DNAH14: variants seen among roughly 807,000 people sequenced by gnomAD.
DNAH14 encodes the protein axonemal beta dynein heavy chain 14.
DNAH14 carries 478 observed loss-of-function variants against 520.9 expected under a neutral mutation model. The ratio of observed to expected loss-of-function variants is 0.92; its 90% CI spans 0.85 to 0.99. The LOEUF (loss-of-function observed/expected upper bound fraction) is 0.99, where lower values mean the gene tolerates loss of function less well. Among genes scored for constraint, DNAH14 ranks in the 50% least tolerant of loss-of-function variants. The pLI is 0.00. For synonymous variants in DNAH14, 1,581 were observed against 1,757.2 expected (o/e 0.90, Z 2.51); for missense variants, 4,831 against 5,234.5 (o/e 0.92, Z 2.38).
At chr1:225,389,710 A>T (rs762347325) in intron 82 of DNAH14, 24 bp from the exon 83 acceptor site, 2 of 1,551,486 alleles carry the variant, frequency 1.3e-6, no homozygotes, top group East Asian at 2.4e-5. Flanking sequence ...CTTAACCCCC[A>T]ACCTGTGGTC....
intron 4 of DNAH14, among the ~76,000 whole-genome samples, chr1:224,962,373 A>G (rs1472510544): frequency 6.6e-6 from 1 of 152,154 alleles, no homozygotes; most frequent in Non-Finnish European, 1.5e-5. Flanking sequence ...AATCAGATAT[A>G]CCCTTAAGAG....
intron 46 of DNAH14, among the ~76,000 whole-genome samples, chr1:225,262,532 T>C (rs2092969072): frequency 6.6e-6 from 1 of 152,008 alleles, no homozygotes; most frequent in African/African-American, 2.4e-5. Context: ...CAGTAAGAGA[T>C]AAGAATCCAG....
At chr1:225,225,323 CACTT>C (rs1289245219) in intron 41 of DNAH14, among the ~76,000 whole-genome samples, 2 of 152,168 alleles carry the variant, frequency 1.3e-5, no homozygotes, top group Non-Finnish European at 2.9e-5. Flanking sequence ...TACCAATTCT[CACTT>C]AATTAGTTAT....
chr1:225,159,411 C>T lies in DNAH14; in HGVS notation c.5371C>T (p.Pro1791Ser). The T allele has an allele frequency of 6.5e-7, 1 of 1,549,434 alleles. No individual in the cohort carries two copies. Among genetic ancestry groups the T allele is most frequent in the Admixed American group, 2.0e-5 (1 of 50,668 alleles). The change falls in exon 35 of 86, where the codon CCA becomes TCA. Residue 1791 changes from proline to serine, a missense_variant. By Grantham distance (74) the Pro-to-Ser change is moderately conservative. Transcript: ENST00000682510. ...GCCAAAATGTCCTCCTGAAGATGTC[C>T]CACTTTTTGAAAATATTATAGGAGA... ...SLPKCPPEDVPLFENIIGDIF... is the reference protein window; with the variant it reads ...SLPKCPPEDVSLFENIIGDIF...
chr1:225,019,589 A>G (rs1160107145), intron 10 of DNAH14, among the ~76,000 whole-genome samples: 1 of 152,154 alleles, frequency 6.6e-6, no homozygotes, highest in East Asian at 1.9e-4. Flanking sequence ...CACCTACAGA[A>G]CACTATGCCT....
Position 225,381,440 on chromosome 1 carries a change from G to A in DNAH14, c.12938G>A (p.Arg4313Gln), listed in dbSNP as rs557640063. 1.8e-4 allele frequency: 277 copies of A among 1,550,552 alleles called. No individual in the cohort carries two copies. Among genetic ancestry groups the A allele is most frequent in the Middle Eastern group, 1.7e-3 (10 of 5,984 alleles). ...ACCTTTTTGAAGCAAGAAATTAAAC[G>A]ATTTGATAAGTTATTATTTGTCATA... ...LLTFLKQEIK[R>Q]FDKLLFVIHK... is the part of the protein sequence containing the mutation. Residue 4313 changes from arginine (R) to glutamine (Q), a missense_variant, in exon 81 of 86, where the codon CGA becomes CAA. Arg to Gln is a conservative substitution (Grantham distance 43). Transcript: ENST00000682510.
intron 27 of DNAH14, among the ~76,000 whole-genome samples, chr1:225,124,993 G>A (rs899563975): frequency 3.9e-5 from 6 of 152,078 alleles, no homozygotes; most frequent in Non-Finnish European, 8.8e-5. Context: ...CAGAACTCTT[G>A]GGTGACTGGA....
intron 21 of DNAH14, among the ~76,000 whole-genome samples, chr1:225,090,236 GA>G: frequency 6.6e-6 from 1 of 152,080 alleles, no homozygotes; most frequent in African/African-American, 2.4e-5. Flanking sequence ...AAACCCTGCA[GA>G]GAGAAAGAAG....
intron 46 of DNAH14, among the ~76,000 whole-genome samples, chr1:225,263,859 A>T (rs1232132139): frequency 1.3e-5 from 2 of 152,120 alleles, no homozygotes; most frequent in Non-Finnish European, 2.9e-5. Context: ...AGACCAAAAT[A>T]AGATGAATGG....
At chr1:224,945,717 C>T (rs1402986549) in intron 1 of DNAH14, among the ~76,000 whole-genome samples, 27 of 152,268 alleles carry the variant, frequency 1.8e-4, no homozygotes, top group Non-Finnish European at 3.7e-4. Flanking sequence ...CAGTCAGGAC[C>T]CTCAGGTGCA....
intron 38 of DNAH14, among the ~76,000 whole-genome samples, chr1:225,195,579 G>A (rs2086022462): frequency 6.6e-6 from 1 of 151,608 alleles, no homozygotes; most frequent in Non-Finnish European, 1.5e-5. Flanking sequence ...GTAAAAATCT[G>A]TATACCAAAC....
intron 17 of DNAH14, among the ~76,000 whole-genome samples, chr1:225,075,929 T>C (rs187530404): frequency 1.3e-5 from 2 of 152,086 alleles, no homozygotes; most frequent in East Asian, 1.9e-4. Flanking sequence ...GATATTCTGG[T>C]GAGACCATCT....
chr1:225,281,965 T>TAC (rs200558237), intron 54 of DNAH14, among the ~76,000 whole-genome samples: 7 of 149,634 alleles, frequency 4.7e-5, no homozygotes, highest in East Asian at 2.0e-4. Flanking sequence ...TTAATATTCA[T>TAC]ACACACACAC....
At chr1:225,378,473 G>C (rs1178794640) in intron 79 of DNAH14, among the ~76,000 whole-genome samples, 1 of 152,216 alleles carries the variant, frequency 6.6e-6, no homozygotes, top group Non-Finnish European at 1.5e-5. Flanking sequence ...CAGGCGATCT[G>C]TAAACTGGTT....
At chr1:225,188,935 C>T (rs1383107925) in intron 37 of DNAH14, among the ~76,000 whole-genome samples, 1 of 151,724 alleles carries the variant, frequency 6.6e-6, no homozygotes, top group Admixed American at 6.6e-5. Flanking sequence ...TCTTTGGAAT[C>T]CTTGTCTTAT....
At chr1:225,001,867 A>G (rs765058799) in intron 8 of DNAH14, among the ~76,000 whole-genome samples, 5 of 152,074 alleles carry the variant, frequency 3.3e-5, no homozygotes, top group Non-Finnish European at 7.4e-5. Flanking sequence ...AAATTCTTCT[A>G]TGACTAGGAG....
intron 55 of DNAH14, among the ~76,000 whole-genome samples, chr1:225,294,692 C>A (rs558993647): frequency 1.3e-5 from 2 of 152,020 alleles, no homozygotes; most frequent in South Asian, 4.2e-4. Flanking sequence ...GGTGTGGTGG[C>A]AGGTGCCTGT....
chr1:225,192,160 A>T (rs75214133), intron 37 of DNAH14, among the ~76,000 whole-genome samples: 7,396 of 152,098 alleles, frequency 0.049, 281 homozygotes, highest in Non-Finnish European at 0.072. Context: ...CTGAGGCCTT[A>T]TATGGTCTGT....
chr1:225,246,851 AT>A (rs1461205680), intron 43 of DNAH14, among the ~76,000 whole-genome samples: 1 of 152,208 alleles, frequency 6.6e-6, no homozygotes, highest in Non-Finnish European at 1.5e-5. Context: ...ACCAGATACC[AT>A]TTGACCCAGC....
Sources: allele counts gnomAD v4.1 joint callset (sites outside exome capture counted in the v4.1 genomes callset), GRCh38; gene constraint gnomAD v4.1.1; transcripts MANE v1.5; gene names NCBI Gene and HGNC (gene_info 2026-07-23, HGNC 2026-07-21).